Variants in LRMDA observed in about 807,000 individuals in gnomAD.
The protein encoded by LRMDA is leucine rich melanocyte differentiation associated.
LRMDA carries 18 observed loss-of-function variants against 29.8 expected under a neutral mutation model. The observed-to-expected ratio is 0.60, with a 90% CI of 0.42 to 0.90. The LOEUF is 0.90. Among genes scored for constraint, LRMDA ranks in the 40% least tolerant of loss-of-function variants. The probability of loss-of-function intolerance (pLI) is 0.00; values close to 1 mark genes in which losing one functional copy is unlikely to be tolerated. For synonymous variants in LRMDA, 125 were observed against 109.4 expected (o/e 1.14, Z -0.89); for missense variants, 273 against 273.9 (o/e 1.00, Z 0.02).
intron 5 of LRMDA, among the ~76,000 whole-genome samples, chr10:76,175,926 A>G (rs929518082): frequency 6.6e-6 from 1 of 152,164 alleles, no homozygotes; most frequent in Non-Finnish European, 1.5e-5. Context: ...ATGACAGAGA[A>G]CAGAAACAGG....
At chr10:76,200,568 T>G (rs1462348644) in intron 5 of LRMDA, among the ~76,000 whole-genome samples, 2 of 152,304 alleles carry the variant, frequency 1.3e-5, no homozygotes, top group East Asian at 3.9e-4. Flanking sequence ...ACAAACAGCA[T>G]GCTGTAAAGT....
intron 2 of LRMDA, among the ~76,000 whole-genome samples, chr10:75,468,286 G>A (rs955878290): frequency 6.6e-6 from 1 of 152,072 alleles, no homozygotes; most frequent in African/African-American, 2.4e-5. Flanking sequence ...TTTTTGGGGT[G>A]CGGGGCGGGG....
chr10:76,406,708 T>G (rs1189992591), intron 6 of LRMDA, among the ~76,000 whole-genome samples: 1 of 152,184 alleles, frequency 6.6e-6, no homozygotes, highest in Non-Finnish European at 1.5e-5. Flanking sequence ...TCATTCATCA[T>G]GACCCTGAGT....
At chr10:75,736,247 A>G (rs1842761047) in intron 2 of LRMDA, among the ~76,000 whole-genome samples, 1 of 152,200 alleles carries the variant, frequency 6.6e-6, no homozygotes, top group Admixed American at 6.5e-5. Context: ...TTTTTCAGAA[A>G]CTATTTACCC....
At chr10:75,630,559 T>C (rs924562977) in intron 2 of LRMDA, among the ~76,000 whole-genome samples, 1 of 152,246 alleles carries the variant, frequency 6.6e-6, no homozygotes, top group Non-Finnish European at 1.5e-5. Flanking sequence ...TATGAGGCTC[T>C]CACAGGCTTA....
At chr10:76,341,487 C>G (rs1841040893) in intron 6 of LRMDA, among the ~76,000 whole-genome samples, 1 of 152,136 alleles carries the variant, frequency 6.6e-6, no homozygotes, top group South Asian at 2.1e-4. Context: ...TGCTTCTTTT[C>G]AAGTCAACAT....
At chr10:75,516,281 C>T (rs987798927) in intron 2 of LRMDA, among the ~76,000 whole-genome samples, 3 of 152,218 alleles carry the variant, frequency 2.0e-5, no homozygotes, top group East Asian at 1.9e-4. Context: ...AATCGCCACA[C>T]TGTCTTCCAC....
intron 5 of LRMDA, among the ~76,000 whole-genome samples, chr10:76,288,382 G>T (rs1372456289): frequency 6.6e-6 from 1 of 152,142 alleles, no homozygotes; most frequent in Non-Finnish European, 1.5e-5. Context: ...ATATGGAATG[G>T]AACCTAAATG....
intron 6 of LRMDA, among the ~76,000 whole-genome samples, chr10:76,336,906 A>G (rs1195134749): frequency 1.3e-5 from 2 of 152,168 alleles, no homozygotes; most frequent in East Asian, 1.9e-4. Flanking sequence ...TTCTTTTCTC[A>G]AGAGATAGCT....
chr10:76,155,938 C>T (rs1466978813), intron 5 of LRMDA, among the ~76,000 whole-genome samples: 2 of 152,102 alleles, frequency 1.3e-5, no homozygotes, highest in Non-Finnish European at 2.9e-5. Flanking sequence ...TATAGCAACT[C>T]AAGGTCTAAT....
At chr10:75,735,868 G>A (rs1239043369) in intron 2 of LRMDA, among the ~76,000 whole-genome samples, 1 of 152,202 alleles carries the variant, frequency 6.6e-6, no homozygotes, top group Non-Finnish European at 1.5e-5. Context: ...GTGAGACACA[G>A]AGAGTCAGAC....
intron 5 of LRMDA, among the ~76,000 whole-genome samples, chr10:76,215,398 G>C (rs984831572): frequency 1.3e-5 from 2 of 152,150 alleles, no homozygotes; most frequent in African/African-American, 4.8e-5. Flanking sequence ...GCTAATCTAT[G>C]ATGGCTCTCT....
intron 2 of LRMDA, among the ~76,000 whole-genome samples, chr10:75,984,516 G>GC: frequency 6.6e-6 from 1 of 152,238 alleles, no homozygotes; most frequent in Admixed American, 6.5e-5. Context: ...CCCACTCACA[G>GC]GGCCTAAAGC....
chr10:75,609,368 A>G (rs962230038), intron 2 of LRMDA, among the ~76,000 whole-genome samples: 9 of 152,154 alleles, frequency 5.9e-5, no homozygotes, highest in Non-Finnish European at 1.0e-4. Flanking sequence ...TTGGAACTTA[A>G]AACTCTAGTT....
intron 2 of LRMDA, among the ~76,000 whole-genome samples, chr10:75,912,557 G>T (rs975897403): frequency 4.6e-5 from 7 of 152,178 alleles, no homozygotes; most frequent in African/African-American, 1.4e-4. Flanking sequence ...AGGCATATTT[G>T]CAAAATGGTA....
At chr10:75,470,815 T>A (rs1042741196) in intron 2 of LRMDA, among the ~76,000 whole-genome samples, 1 of 152,220 alleles carries the variant, frequency 6.6e-6, no homozygotes, top group African/African-American at 2.4e-5. Flanking sequence ...GCTTACTTCC[T>A]AGGTGATGGT....
intron 6 of LRMDA, among the ~76,000 whole-genome samples, chr10:76,344,669 G>A (rs1196039765): frequency 6.6e-6 from 1 of 152,046 alleles, no homozygotes; most frequent in Non-Finnish European, 1.5e-5. Context: ...TTAAAACAAT[G>A]TGGTACTGGC....
At chr10:75,806,637 C>CTT (rs201768940) in intron 2 of LRMDA, among the ~76,000 whole-genome samples, 3 of 141,674 alleles carry the variant, frequency 2.1e-5, no homozygotes, top group African/African-American at 5.1e-5. Context: ...TGTTAAAGTT[C>CTT]TTTTTTTTTT....
intron 2 of LRMDA, among the ~76,000 whole-genome samples, chr10:75,565,377 ATGGAGGGTGCC>A (rs747569383): frequency 3.5e-4 from 54 of 152,222 alleles, no homozygotes; most frequent in Non-Finnish European, 6.0e-4. Flanking sequence ...GCAGCCATTC[ATGGAGGGTGCC>A]TACCTGAAAT....
Sources: allele counts gnomAD v4.1 joint callset (sites outside exome capture counted in the v4.1 genomes callset), GRCh38; gene constraint gnomAD v4.1.1; transcripts MANE v1.5; gene names NCBI Gene and HGNC (gene_info 2026-07-23, HGNC 2026-07-21).